The following DOK6 variants were observed in gnomAD, a reference collection of about 807,000 sequenced individuals.
DOK6 encodes docking protein 6.
A neutral mutation model predicts 44.0 loss-of-function variants in DOK6; 22 were observed. The ratio of observed to expected loss-of-function variants is 0.50; its 90% CI spans 0.36 to 0.71. The LOEUF (loss-of-function observed/expected upper bound fraction) is 0.71, where lower values mean the gene tolerates loss of function less well. DOK6 is among the 30% of genes least tolerant of loss of function. The pLI, the probability that DOK6 is intolerant of heterozygous loss-of-function variation, is 0.00. For missense variants in DOK6, 340 were observed against 416.4 expected, an observed-to-expected ratio of 0.82 and a Z score of 1.60; for synonymous variants, 166 against 145.5, an observed-to-expected ratio of 1.14 and a Z score of -1.01.
intron 1 of DOK6, among the ~76,000 whole-genome samples, chr18:69,464,057 C>T (rs117183262): frequency 0.022 from 3,395 of 152,202 alleles, 88 homozygotes; most frequent in Admixed American, 0.08. Context: ...AGATCTGGAC[C>T]GTCTAAAGAT....
rs118073644 is a variant in DOK6 at position 69,665,713 on chromosome 18, T to C, written c.290-12021T>C. Among the ~76,000 whole-genome samples the C allele has an allele frequency of 5.5e-3, 840 of 152,352 alleles. 3 individuals carry two copies. Among genetic ancestry groups the C allele is most frequent in the South Asian group, 0.013 (62 of 4,830 alleles). On this transcript the variant is annotated intron_variant, in intron 3 of 7. Transcript: ENST00000382713. ...TTTTTAGAGAAGTTTTGGATTTCTTTGGCAGTTTAACTCTTTAAAACTTTG... is the reference window on the plus strand; with the variant it reads ...TTTTTAGAGAAGTTTTGGATTTCTTCGGCAGTTTAACTCTTTAAAACTTTG...
At chr18:69,598,387 G>T (rs1983796656) in intron 2 of DOK6, among the ~76,000 whole-genome samples, 1 of 151,924 alleles carries the variant, frequency 6.6e-6, no homozygotes, top group Non-Finnish European at 1.5e-5. Context: ...TTGGAGAAGA[G>T]AAATTAAAGC....
At chr18:69,771,090 T>C (rs1457659184) in intron 7 of DOK6, among the ~76,000 whole-genome samples, 1 of 152,092 alleles carries the variant, frequency 6.6e-6, no homozygotes, top group Non-Finnish European at 1.5e-5. Context: ...ACATTAAGTT[T>C]AACTGAAATT....
intron 6 of DOK6, among the ~76,000 whole-genome samples, chr18:69,750,753 A>G (rs1479452184): frequency 6.6e-6 from 1 of 152,230 alleles, no homozygotes; most frequent in Non-Finnish European, 1.5e-5. Flanking sequence ...GATTTGAATC[A>G]GTGTCAAAGA....
At chr18:69,684,884 C>T (rs1245711441) in intron 4 of DOK6, among the ~76,000 whole-genome samples, 1 of 152,040 alleles carries the variant, frequency 6.6e-6, no homozygotes, top group Non-Finnish European at 1.5e-5. Context: ...AGGCTGGACC[C>T]CAGATATTAT....
chr18:69,524,282 A>C (rs1302854686), intron 1 of DOK6, among the ~76,000 whole-genome samples: 3 of 152,070 alleles, frequency 2.0e-5, no homozygotes, highest in Non-Finnish European at 4.4e-5. Context: ...ATTCAATTAC[A>C]CAACCCAAAC....
intron 5 of DOK6, among the ~76,000 whole-genome samples, chr18:69,711,422 G>A (rs552713130): frequency 6.6e-5 from 10 of 152,238 alleles, no homozygotes; most frequent in African/African-American, 2.4e-4. Context: ...TAAAAATTAT[G>A]TTACTTGTAG....
chr18:69,538,130 T>C (rs1369324636), intron 1 of DOK6, among the ~76,000 whole-genome samples: 1 of 152,228 alleles, frequency 6.6e-6, no homozygotes, highest in Non-Finnish European at 1.5e-5. Context: ...TGTATCTATC[T>C]TCTTGTTCAG....
intron 7 of DOK6, among the ~76,000 whole-genome samples, chr18:69,830,776 T>C (rs566418768): frequency 2.7e-4 from 41 of 152,320 alleles, no homozygotes; most frequent in African/African-American, 9.4e-4. Context: ...GAAGCTGTAC[T>C]GTATCCTAAA....
intron 3 of DOK6, among the ~76,000 whole-genome samples, chr18:69,625,105 G>T (rs985567811): frequency 6.6e-6 from 1 of 152,048 alleles, no homozygotes; most frequent in Admixed American, 6.6e-5. Context: ...GGCATCTTCC[G>T]TGTCCTTAAT....
At chr18:69,535,948 G>A (rs1476762617) in intron 1 of DOK6, among the ~76,000 whole-genome samples, 1 of 152,052 alleles carries the variant, frequency 6.6e-6, no homozygotes, top group African/African-American at 2.4e-5. Flanking sequence ...AAGAACTCTT[G>A]AAAACCAATT....
intron 1 of DOK6, among the ~76,000 whole-genome samples, chr18:69,438,010 G>T (rs534109615): frequency 6.6e-6 from 1 of 152,288 alleles, no homozygotes; most frequent in South Asian, 2.1e-4. Context: ...TGAGACTTCA[G>T]TGTGTAGTAA....
chr18:69,511,664 T>A (rs184328798), intron 1 of DOK6, among the ~76,000 whole-genome samples: 70 of 152,330 alleles, frequency 4.6e-4, no homozygotes, highest in Non-Finnish European at 1.6e-4. Flanking sequence ...CATTTATTGA[T>A]CTCCTTAACG....
At chr18:69,511,027 A>T (rs963805279) in intron 1 of DOK6, among the ~76,000 whole-genome samples, 7 of 152,204 alleles carry the variant, frequency 4.6e-5, no homozygotes, top group Non-Finnish European at 8.8e-5. Flanking sequence ...ATGAAACAAA[A>T]TGAAACTTGT....
At chr18:69,797,808 C>T (rs941147440) in intron 7 of DOK6, among the ~76,000 whole-genome samples, 14 of 152,058 alleles carry the variant, frequency 9.2e-5, no homozygotes, top group Admixed American at 6.6e-4. Context: ...ACTATTCATT[C>T]TTTCATCAAA....
intron 1 of DOK6, among the ~76,000 whole-genome samples, chr18:69,496,427 C>G (rs529833355): frequency 6.6e-6 from 1 of 152,216 alleles, no homozygotes; most frequent in Non-Finnish European, 1.5e-5. Flanking sequence ...CGGGGCTTCC[C>G]GGCTGCAGCT....
At chr18:69,430,827 G>A (rs937222229) in intron 1 of DOK6, among the ~76,000 whole-genome samples, 5 of 152,084 alleles carry the variant, frequency 3.3e-5, no homozygotes, top group African/African-American at 7.2e-5. Flanking sequence ...TTAGCCAGGC[G>A]TGGTGGCGGG....
chr18:69,452,493 C>G (rs1466262149), intron 1 of DOK6, among the ~76,000 whole-genome samples: 1 of 130,566 alleles, frequency 7.7e-6, no homozygotes, highest in African/African-American at 3.0e-5. Context: ...CAAGGAGGAA[C>G]TGGTACCATT....
At chr18:69,404,744 G>A (rs12327113) in intron 1 of DOK6, among the ~76,000 whole-genome samples, 32,134 of 151,936 alleles carry the variant, frequency 0.21, 4,141 homozygotes, top group Non-Finnish European at 0.29. Context: ...AGAGATTGGT[G>A]TTGATATGTG....
Sources: allele counts gnomAD v4.1 joint callset (sites outside exome capture counted in the v4.1 genomes callset), GRCh38; gene constraint gnomAD v4.1.1; transcripts MANE v1.5; gene names NCBI Gene and HGNC (gene_info 2026-07-23, HGNC 2026-07-21).